The following ROBO1 variants were observed in gnomAD, a reference collection of about 807,000 sequenced individuals.
ROBO1 encodes roundabout homolog 1.
Under a neutral mutation model 195.9 loss-of-function variants are expected in ROBO1, and 149 were observed. The observed-to-expected ratio is 0.76, with a 90% CI of 0.67 to 0.87. The LOEUF is 0.87. Ranked by LOEUF, ROBO1 falls within the 40% of genes least tolerant of loss-of-function variation. The probability of loss-of-function intolerance (pLI) is 0.00; values close to 1 mark genes in which losing one functional copy is unlikely to be tolerated. For synonymous variants in ROBO1, 816 were observed against 733.2 expected (o/e 1.11, Z -1.82); for missense variants, 1,933 against 2,068.3 (o/e 0.93, Z 1.27).
chr3:78,627,218 C>CT, intron 26 of ROBO1, 103 bp downstream of exon 26: 1 of 1,310,928 alleles, frequency 7.6e-7, no homozygotes, highest in Non-Finnish European at 1.0e-6. Context: ...CCAGAAAAGG[C>CT]TTATGAGACA....
intron 2 of ROBO1, among the ~76,000 whole-genome samples, chr3:79,352,187 C>A (rs994253949): frequency 1.6e-4 from 25 of 152,174 alleles, no homozygotes; most frequent in Admixed American, 9.8e-4. Flanking sequence ...ATACTCTAAT[C>A]TTGCTGGAAA....
chr3:79,591,389 T>C (rs1943995940), intron 1 of ROBO1, among the ~76,000 whole-genome samples: 2 of 151,886 alleles, frequency 1.3e-5, no homozygotes, highest in Non-Finnish European at 1.5e-5. Context: ...CTAATCCTCT[T>C]GCCAGACAGC....
At chr3:79,171,654 T>A (rs1036375797) in intron 2 of ROBO1, among the ~76,000 whole-genome samples, 42 of 152,224 alleles carry the variant, frequency 2.8e-4, no homozygotes, top group African/African-American at 9.6e-4. Flanking sequence ...GAAAAACAAG[T>A]GAAGTTCTGG....
At chr3:79,177,106 AC>A in intron 2 of ROBO1, among the ~76,000 whole-genome samples, 1 of 152,156 alleles carries the variant, frequency 6.6e-6, no homozygotes, top group African/African-American at 2.4e-5. Flanking sequence ...AAATTTCAGT[AC>A]TTTTTTTAAA....
chr3:79,268,704 T>C (rs1366264534), intron 2 of ROBO1, among the ~76,000 whole-genome samples: 1 of 151,698 alleles, frequency 6.6e-6, no homozygotes, highest in Non-Finnish European at 1.5e-5. Context: ...AGCCTACTTA[T>C]ATGAGTAATA....
intron 3 of ROBO1, among the ~76,000 whole-genome samples, chr3:78,945,865 G>A (rs992817606): frequency 1.3e-5 from 2 of 152,020 alleles, no homozygotes; most frequent in African/African-American, 4.8e-5. Context: ...AGAGCTACGT[G>A]ACAACTGTAG....
At chr3:79,484,821 T>A (rs979739069) in intron 2 of ROBO1, among the ~76,000 whole-genome samples, 12 of 133,340 alleles carry the variant, frequency 9.0e-5, no homozygotes, top group African/African-American at 3.3e-4. Context: ...TGGCATGATC[T>A]CGGCTCACTG....
At chr3:79,326,692 C>T (rs531052215) in intron 2 of ROBO1, among the ~76,000 whole-genome samples, 30 of 152,024 alleles carry the variant, frequency 2.0e-4, no homozygotes, top group Admixed American at 5.2e-4. Context: ...GCCTCTCTGT[C>T]GGGGACACTG....
intron 2 of ROBO1, among the ~76,000 whole-genome samples, chr3:79,574,734 T>A (rs1386346754): frequency 1.3e-5 from 2 of 151,876 alleles, no homozygotes; most frequent in Admixed American, 1.3e-4. Flanking sequence ...CACTCAGGTT[T>A]ACCATATAAT....
rs1383138573 is a variant in ROBO1, at chr3:79,218,494, C to T, written c.89-92955G>A. 3.3e-5 allele frequency among the ~76,000 whole-genome samples: 5 copies of T among 152,012 alleles called. No homozygotes were observed. The East Asian group carries it at 9.7e-4, about 29-fold the overall frequency. ...TTTGGATAGAGTCCAAAATGCATCTCTCTTATACTGAATCCTATTTTATTG... is the reference window on the plus strand; with the variant it reads ...TTTGGATAGAGTCCAAAATGCATCTTTCTTATACTGAATCCTATTTTATTG... On this transcript the variant is annotated intron_variant, in intron 2 of 30. Coordinates refer to ENST00000464233, the MANE Select transcript of ROBO1 (RefSeq NM_002941.4).
chr3:79,468,624 G>C (rs965474573), intron 2 of ROBO1, among the ~76,000 whole-genome samples: 3 of 152,138 alleles, frequency 2.0e-5, no homozygotes, highest in African/African-American at 7.2e-5. Context: ...TGAAGAAAAA[G>C]AGCAATCATT....
intron 2 of ROBO1, among the ~76,000 whole-genome samples, chr3:79,372,177 G>T (rs1365272717): frequency 1.3e-5 from 2 of 150,976 alleles, no homozygotes; most frequent in Non-Finnish European, 2.9e-5. Context: ...CACAGCCAGG[G>T]TGTTGGGGAC....
At chr3:79,012,465 T>A (rs1193162829) in intron 3 of ROBO1, among the ~76,000 whole-genome samples, 1 of 152,210 alleles carries the variant, frequency 6.6e-6, no homozygotes, top group African/African-American at 2.4e-5. Flanking sequence ...TTCTATCCAC[T>A]TTCCCCTCAA....
At chr3:78,697,050 A>G (rs2081315230) in intron 8 of ROBO1, among the ~76,000 whole-genome samples, 1 of 149,422 alleles carries the variant, frequency 6.7e-6, no homozygotes. Flanking sequence ...ACACAGACAC[A>G]CACACACACA....
chr3:78,644,794 G>A (rs910062448), intron 21 of ROBO1, among the ~76,000 whole-genome samples: 1 of 149,528 alleles, frequency 6.7e-6, no homozygotes, highest in African/African-American at 2.6e-5. Flanking sequence ...CTGTATGTGT[G>A]TGTGATACTT....
chr3:79,444,986 G>A (rs566165721), intron 2 of ROBO1, among the ~76,000 whole-genome samples: 1 of 151,830 alleles, frequency 6.6e-6, no homozygotes, highest in Non-Finnish European at 1.5e-5. Flanking sequence ...GATGAATGAA[G>A]AAGATGTTAT....
Position 78,938,847 on chromosome 3 carries a change from C to T in ROBO1, c.253G>A (p.Ala85Thr). ...SDLIVSKGEP[A>T]TLNCKAEGRP... The stretch of plus-strand genomic sequence containing the variant: ...CCTTCAGCTTTGCAGTTCAAAGTTG[C>T]AGGTTCTCCTTTTGAGACAATCAGG... The change falls in exon 4 of 31, where the codon GCA becomes ACA. Residue 85 changes from alanine to threonine, a missense_variant. Coordinates refer to ENST00000464233, the MANE Select transcript of ROBO1 (RefSeq NM_002941.4). 1 of 1,613,970 alleles carries T rather than the reference C, an allele frequency of 6.2e-7. No individual in the cohort carries two copies. Among genetic ancestry groups the T allele is most frequent in the Non-Finnish European group, 8.5e-7 (1 of 1,179,892 alleles).
chr3:79,271,253 T>G (rs1037767715), intron 2 of ROBO1, among the ~76,000 whole-genome samples: 1 of 152,006 alleles, frequency 6.6e-6, no homozygotes, highest in Non-Finnish European at 1.5e-5. Flanking sequence ...GAAGTAAATA[T>G]GTAACTGAAT....
intron 3 of ROBO1, among the ~76,000 whole-genome samples, chr3:79,007,109 T>A (rs1157748461): frequency 1.3e-5 from 2 of 152,040 alleles, no homozygotes; most frequent in African/African-American, 4.8e-5. Context: ...GGGAAATGAA[T>A]CTGTATCAAA....
Sources: allele counts gnomAD v4.1 joint callset (sites outside exome capture counted in the v4.1 genomes callset), GRCh38; gene constraint gnomAD v4.1.1; transcripts MANE v1.5; gene names NCBI Gene and HGNC (gene_info 2026-07-23, HGNC 2026-07-21).